The following DNAH9 variants were observed in gnomAD, a reference collection of about 807,000 sequenced individuals.
The protein encoded by DNAH9 is dynein axonemal heavy chain 9.
DNAH9 carries 345 observed loss-of-function variants against 471.6 expected under a neutral mutation model. The ratio of observed to expected loss-of-function variants is 0.73; its 90% CI spans 0.67 to 0.80. DNAH9 has a LOEUF of 0.80. Among genes scored for constraint, DNAH9 ranks in the 30% least tolerant of loss-of-function variants. The probability of loss-of-function intolerance (pLI) is 0.00; values close to 1 mark genes in which losing one functional copy is unlikely to be tolerated. For synonymous variants in DNAH9, 2,093 were observed against 2,123.6 expected (o/e 0.99, Z 0.40); for missense variants, 5,407 against 5,609.2 (o/e 0.96, Z 1.15).
intron 29 of DNAH9, among the ~76,000 whole-genome samples, chr17:11,741,221 TGTAAC>T (rs1419042588): frequency 6.6e-6 from 1 of 152,192 alleles, no homozygotes; most frequent in East Asian, 1.9e-4. Context: ...ATTAAATAAA[TGTAAC>T]AACCTATTAC....
intron 38 of DNAH9, among the ~76,000 whole-genome samples, chr17:11,779,846 C>T (rs1467698658): frequency 6.6e-6 from 1 of 152,088 alleles, no homozygotes; most frequent in Non-Finnish European, 1.5e-5. Flanking sequence ...AAATTTAATT[C>T]ATATTTGAAA....
chr17:11,839,973 T>C (rs867615766), intron 49 of DNAH9, among the ~76,000 whole-genome samples: 22 of 152,326 alleles, frequency 1.4e-4, no homozygotes, highest in African/African-American at 4.8e-4. Flanking sequence ...AGGATGCAGA[T>C]TGGTACAGCT....
chr17:11,688,800 T>G (rs1301269655), intron 19 of DNAH9, among the ~76,000 whole-genome samples: 5 of 152,082 alleles, frequency 3.3e-5, no homozygotes, highest in African/African-American at 1.2e-4. Context: ...CTCTCCCACT[T>G]AAAGATCACC....
rs1416647168 is a variant in DNAH9 at position 11,744,948 on chromosome 17, C to A, written c.6263C>A (p.Pro2088His). ...CCCAAGATTGTGACTGATGACATGC[C>A]CATCTTCATGGGCCTGATCGGGGAC... ...NIPKIVTDDM[P>H]IFMGLIGDLF... is the part of the protein sequence containing the mutation. The change falls in exon 31 of 69, where the codon CCC (proline) becomes CAC (histidine). Residue 2088 changes from proline to histidine, a missense_variant. Around this residue, in one of 3 missense-constraint regions of DNAH9, gnomAD observed 4,636 missense variants for 4,900.3 expected, o/e 0.95. Coordinates refer to ENST00000262442, the MANE Select transcript of DNAH9 (RefSeq NM_001372.4). The A allele has an allele frequency of 6.2e-7, 1 of 1,614,050 alleles. No individual in the cohort carries two copies. Among genetic ancestry groups the A allele is most frequent in the African/African-American group, 1.3e-5 (1 of 74,914 alleles).
At chr17:11,791,063 C>A (rs1359736561) in intron 41 of DNAH9, among the ~76,000 whole-genome samples, 1 of 152,062 alleles carries the variant, frequency 6.6e-6, no homozygotes, top group Non-Finnish European at 1.5e-5. Flanking sequence ...CCTGTACATT[C>A]CTGTTCTTTC....
intron 26 of DNAH9, among the ~76,000 whole-genome samples, chr17:11,717,017 G>T (rs1349898352): frequency 6.6e-6 from 1 of 152,212 alleles, no homozygotes; most frequent in Non-Finnish European, 1.5e-5. Flanking sequence ...AGGGCTCCAT[G>T]AATATCTAGC....
chr17:11,865,714 C>T (rs1305885666), intron 50 of DNAH9, among the ~76,000 whole-genome samples: 251 of 130,764 alleles, frequency 1.9e-3, no homozygotes, highest in South Asian at 3.7e-3. Context: ...AGGCTGTGTT[C>T]GTTTCTTTTT....
At chr17:11,705,941 A>G (rs2074691912) in intron 26 of DNAH9, among the ~76,000 whole-genome samples, 1 of 152,230 alleles carries the variant, frequency 6.6e-6, no homozygotes, top group Non-Finnish European at 1.5e-5. Flanking sequence ...TATTCATTAA[A>G]GTTAAGAAAT....
chr17:11,953,232 CAGAGAAGTTGCT>C (rs1161916529), intron 67 of DNAH9, among the ~76,000 whole-genome samples: 1 of 152,194 alleles, frequency 6.6e-6, no homozygotes, highest in East Asian at 1.9e-4. Context: ...CTGCTGCCCA[CAGAGAAGTTGCT>C]GCATTAGCCT....
chr17:11,853,472 T>C (rs1287772606), intron 49 of DNAH9, among the ~76,000 whole-genome samples: 1 of 152,210 alleles, frequency 6.6e-6, no homozygotes, highest in Non-Finnish European at 1.5e-5. Context: ...GCAGAGCAGC[T>C]GACTCACAGG....
At chr17:11,877,199 G>A (rs556783905) in intron 53 of DNAH9, among the ~76,000 whole-genome samples, 4 of 151,444 alleles carry the variant, frequency 2.6e-5, no homozygotes, top group African/African-American at 9.7e-5. Flanking sequence ...GCAGCTGGGC[G>A]CAGTGGCTCG....
At chr17:11,945,948 C>T (rs1240665366) in intron 67 of DNAH9, among the ~76,000 whole-genome samples, 1 of 151,878 alleles carries the variant, frequency 6.6e-6, no homozygotes, top group Non-Finnish European at 1.5e-5. Context: ...CTGGTAGTCT[C>T]AGCACTTTGG....
intron 57 of DNAH9, among the ~76,000 whole-genome samples, chr17:11,889,545 G>A (rs1044242834): frequency 3.9e-5 from 6 of 152,114 alleles, no homozygotes; most frequent in African/African-American, 9.7e-5. Context: ...CTCCCTATTC[G>A]GTATTAAACA....
chr17:11,683,766 C>A (rs1450477046), intron 19 of DNAH9, among the ~76,000 whole-genome samples: 1 of 152,182 alleles, frequency 6.6e-6, no homozygotes, highest in Non-Finnish European at 1.5e-5. Flanking sequence ...AAATTCACAT[C>A]TGCTAATTTG....
intron 52 of DNAH9, among the ~76,000 whole-genome samples, chr17:11,874,567 T>C (rs1318581385): frequency 1.3e-5 from 2 of 152,162 alleles, no homozygotes; most frequent in East Asian, 3.9e-4. Context: ...CTGGTGCTGG[T>C]TCATGGAGCG....
intron 38 of DNAH9, among the ~76,000 whole-genome samples, chr17:11,777,126 G>T (rs909938383): frequency 5.3e-5 from 8 of 152,190 alleles, no homozygotes; most frequent in Admixed American, 3.3e-4. Flanking sequence ...TTTGGTGCCT[G>T]CAAAATTTTT....
In DNAH9 at chr17:11,788,487, C is replaced by T. The variant is rs1351576523; in HGVS notation, c.8061+3948C>T. Reference sequence around the variant, plus strand: ...ATTCTCAATATATCCCTGATGTTCTCCTTTGCACCTTCCATTCATGCTTTC... The same window carrying T: ...ATTCTCAATATATCCCTGATGTTCTTCTTTGCACCTTCCATTCATGCTTTC... On this transcript the variant is annotated intron_variant, in intron 41 of 68. Coordinates refer to ENST00000262442, the MANE Select transcript of DNAH9 (RefSeq NM_001372.4). 3.3e-5 allele frequency among the ~76,000 whole-genome samples: 5 copies of T among 152,132 alleles called. No homozygotes were observed. In the South Asian group the frequency reaches 1.0e-3, roughly 32 times the overall value.
intron 1 of DNAH9, 40 bp downstream of exon 1, chr17:11,598,955 T>TGGGG: frequency 1.2e-6 from 1 of 847,098 alleles, no homozygotes; most frequent in Admixed American, 1.4e-4. Context: ...TAAAGCTGGG[T>TGGGG]GGGGGAGGGG....
At chr17:11,831,064 C>A (rs1970670705) in intron 48 of DNAH9, among the ~76,000 whole-genome samples, 1 of 152,314 alleles carries the variant, frequency 6.6e-6, no homozygotes, top group South Asian at 2.1e-4. Context: ...AATTCAAATT[C>A]ATATCAGAAA....
Sources: gnomAD v4.1 joint callset for allele counts (sites outside exome capture counted in the v4.1 genomes callset) on GRCh38, gnomAD v4.1.1 for gene constraint, gnomAD v4.1.1 regional missense constraint, MANE v1.5 for transcripts, NCBI Gene and HGNC (gene_info 2026-07-23, HGNC 2026-07-21) for gene names.